Variants in COL24A1 observed in about 807,000 individuals in gnomAD.
COL24A1 encodes the protein collagen alpha-1(XXIV) chain.
Under a neutral mutation model 253.9 loss-of-function variants are expected in COL24A1, and 224 were observed. The ratio of observed to expected loss-of-function variants is 0.88; its 90% CI spans 0.79 to 0.99. The LOEUF is 0.99. Among genes scored for constraint, COL24A1 ranks in the 50% least tolerant of loss-of-function variants. The pLI, the probability that COL24A1 is intolerant of heterozygous loss-of-function variation, is 0.00. For synonymous variants in COL24A1, 685 were observed against 673.7 expected, an observed-to-expected ratio of 1.02 and a Z score of -0.26; for missense variants, 2,131 against 2,068.5, an observed-to-expected ratio of 1.03 and a Z score of -0.59.
intron 37 of COL24A1, among the ~76,000 whole-genome samples, chr1:85,849,650 T>G (rs574686803): frequency 2.3e-4 from 35 of 152,312 alleles, no homozygotes; most frequent in African/African-American, 8.2e-4. Context: ...ACACTGTTCA[T>G]TATTCTAGGT....
intron 14 of COL24A1, among the ~76,000 whole-genome samples, chr1:86,027,747 T>A (rs111401973): frequency 6.6e-6 from 1 of 152,098 alleles, no homozygotes; most frequent in Non-Finnish European, 1.5e-5. Context: ...TTAGTGGAGC[T>A]GTGAGAAGAG....
rs66952563 is a variant in COL24A1, at chr1:85,799,379, TAAAAAAAAA to T, written c.3952-12927_3952-12919del. ...CCAAGGAACACCATGGTGCCATGAC[TAAAAAAAAA>T]AAAAAAAAAAAAAAAAAACCAATGG... On this transcript the variant is annotated intron_variant, in intron 47 of 59. Transcript: ENST00000370571. Among the ~76,000 whole-genome samples, 65 of 112,304 alleles carry T rather than the reference TAAAAAAAAA, an allele frequency of 5.8e-4. 1 individual carries two copies. The highest frequency in any genetic ancestry group is 4.9e-3 in the Middle Eastern group (1 of 204). 73.7% of individuals were successfully genotyped at this position (112,304 alleles called of 152,430 possible).
intron 37 of COL24A1, among the ~76,000 whole-genome samples, chr1:85,860,636 G>A (rs571426541): frequency 1.3e-5 from 2 of 152,308 alleles, no homozygotes; most frequent in South Asian, 4.1e-4. Flanking sequence ...AGCTACTCGG[G>A]AGGCTGAGGC....
intron 37 of COL24A1, among the ~76,000 whole-genome samples, chr1:85,864,390 T>C (rs1399892174): frequency 1.0e-5 from 1 of 98,040 alleles, no homozygotes; most frequent in Non-Finnish European, 2.1e-5. Context: ...TCACACACTG[T>C]CGTGGGATGG....
intron 20 of COL24A1, among the ~76,000 whole-genome samples, 160 bp from the exon 21 acceptor site, chr1:85,971,553 T>G (rs1172593757): frequency 6.6e-6 from 1 of 152,166 alleles, no homozygotes; most frequent in African/African-American, 2.4e-5. Flanking sequence ...AGAAAACTAC[T>G]GGGCATCTAA....
At chr1:85,792,565 G>T (rs1021669958) in intron 47 of COL24A1, among the ~76,000 whole-genome samples, 16 of 150,912 alleles carry the variant, frequency 1.1e-4, no homozygotes, top group Admixed American at 7.3e-4. Context: ...AGTTACCAGG[G>T]CATGGTATTG....
chr1:86,010,631 A>G (rs528006321), intron 19 of COL24A1, among the ~76,000 whole-genome samples: 4 of 152,304 alleles, frequency 2.6e-5, no homozygotes, highest in Admixed American at 2.0e-4. Context: ...ATAGAAATAC[A>G]TAAGAAGCAC....
In COL24A1 at chr1:85,744,716, G is replaced by C. The variant is rs759092500; in HGVS notation, c.4622C>G (p.Pro1541Arg). Residue 1541 changes from proline (P) to arginine (R), a missense_variant, in exon 57 of 60, where the codon CCA becomes CGA. Physicochemically the swap from Pro to Arg is moderately radical, Grantham distance 103. Transcript: ENST00000370571. ...AAGTAAATCTTTGCAGATTCGTGCT[G>C]GGTTATCTCGTGTGCCAAGAGGATT... ...IKNPLGTRDN[P>R]ARICKDLLNC... 1.2e-6 allele frequency: 2 copies of C among 1,609,228 alleles called. No individual in the cohort carries two copies. Among genetic ancestry groups the C allele is most frequent in the Non-Finnish European group, 1.7e-6 (2 of 1,178,560 alleles).
At chr1:85,755,870 C>A (rs1666184202) in intron 55 of COL24A1, among the ~76,000 whole-genome samples, 1 of 142,128 alleles carries the variant, frequency 7.0e-6, no homozygotes, top group African/African-American at 2.6e-5. Context: ...AGAGCACAGT[C>A]AACAAGAGAA....
chr1:85,846,965 C>T (rs1233730144), intron 39 of COL24A1, among the ~76,000 whole-genome samples: 1 of 151,942 alleles, frequency 6.6e-6, no homozygotes. Flanking sequence ...GCACTTGTGA[C>T]ATTTAAATGG....
At chr1:86,102,181 G>T (rs1017948325) in intron 5 of COL24A1, among the ~76,000 whole-genome samples, 2 of 152,102 alleles carry the variant, frequency 1.3e-5, no homozygotes, top group African/African-American at 4.8e-5. Context: ...GCATAGAAGT[G>T]TTTATAATAT....
rs535197573 is a variant in COL24A1 at position 86,129,573 on chromosome 1, A to G, written c.122-3359T>C. ...TTTTCCTGAGTGCTGCTTTAGCTGCATCCCATAGATTTTGATATGTAGCAT... is the reference window on the plus strand; with the variant it reads ...TTTTCCTGAGTGCTGCTTTAGCTGCGTCCCATAGATTTTGATATGTAGCAT... On this transcript the variant is annotated intron_variant, in intron 2 of 59. Transcript: ENST00000370571. 3.3e-5 allele frequency among the ~76,000 whole-genome samples: 5 copies of G among 151,868 alleles called. No individual in the cohort carries two copies. The South Asian group carries it at 1.0e-3, about 31-fold the overall frequency.
chr1:85,797,151 G>T (rs1010673965), intron 47 of COL24A1, among the ~76,000 whole-genome samples: 7 of 142,454 alleles, frequency 4.9e-5, no homozygotes, highest in African/African-American at 1.8e-4. Context: ...AGGTTGCAGC[G>T]AGCTGAGATC....
chr1:85,966,346 T>A (rs1691570369), intron 22 of COL24A1, among the ~76,000 whole-genome samples: 1 of 152,120 alleles, frequency 6.6e-6, no homozygotes, highest in Admixed American at 6.6e-5. Flanking sequence ...AATGGAGAGA[T>A]CTTGTGGTAG....
rs114205210 is a variant in COL24A1, at chr1:85,973,870, C to T, written c.2365-2477G>A. ...AAGAGAAAAAAAATCTAGTTATATG[C>T]CATTTATAAGAAACACACCTAAAAT... is the stretch of plus-strand genomic sequence containing the variant. On this transcript the variant is annotated intron_variant, in intron 20 of 59. Coordinates refer to ENST00000370571, the MANE Select transcript of COL24A1 (RefSeq NM_152890.7). 6.8e-3 allele frequency among the ~76,000 whole-genome samples: 1,041 copies of T among 152,104 alleles called. 10 individuals are homozygous for T. The highest frequency in any genetic ancestry group is 0.024 in the African/African-American group (1,011 of 41,496).
At chr1:86,050,561 A>G (rs889719185) in intron 10 of COL24A1, among the ~76,000 whole-genome samples, 42 of 152,198 alleles carry the variant, frequency 2.8e-4, no homozygotes, top group Non-Finnish European at 5.0e-4. Context: ...ATGTGGCAGG[A>G]GGCAAAGGCA....
At chr1:85,781,171 A>G in intron 52 of COL24A1, 49 bp downstream of exon 52, 1 of 1,334,670 alleles carries the variant, frequency 7.5e-7, no homozygotes, top group Non-Finnish European at 1.0e-6. Context: ...CTAGAAATAG[A>G]ATTAAAGAAA....
At chr1:85,824,363 G>A (rs1673988623) in intron 43 of COL24A1, among the ~76,000 whole-genome samples, 1 of 152,178 alleles carries the variant, frequency 6.6e-6, no homozygotes, top group South Asian at 2.1e-4. Flanking sequence ...CATATCTATT[G>A]TTGTAAGCCA....
intron 48 of COL24A1, among the ~76,000 whole-genome samples, chr1:85,785,405 C>T (rs140032488): frequency 0.023 from 3,553 of 152,196 alleles, 67 homozygotes; most frequent in Middle Eastern, 0.041. Flanking sequence ...AAAAACGATG[C>T]TTGGTAGACT....
Sources: allele counts gnomAD v4.1 joint callset (sites outside exome capture counted in the v4.1 genomes callset), GRCh38; gene constraint gnomAD v4.1.1; transcripts MANE v1.5; gene names NCBI Gene and HGNC (gene_info 2026-07-23, HGNC 2026-07-21).